Variants in STARD13 observed in about 807,000 individuals in gnomAD.
STARD13 encodes StAR related lipid transfer domain containing 13.
Under a neutral mutation model 106.4 loss-of-function variants are expected in STARD13, and 62 were observed. The ratio of observed to expected loss-of-function variants is 0.58; its 90% CI spans 0.48 to 0.72. STARD13 has a LOEUF of 0.72. Ranked by LOEUF, STARD13 falls within the 30% of genes least tolerant of loss-of-function variation. The pLI is 0.00. For synonymous variants in STARD13, 565 were observed against 553.0 expected, an observed-to-expected ratio of 1.02 and a Z score of -0.31; for missense variants, 1,387 against 1,424.0, an observed-to-expected ratio of 0.97 and a Z score of 0.42.
chr13:33,317,814 T>A (rs1012963831), intron 1 of STARD13, among the ~76,000 whole-genome samples: 1 of 152,204 alleles, frequency 6.6e-6, no homozygotes, highest in Non-Finnish European at 1.5e-5. Flanking sequence ...TTTAGCTTTT[T>A]TAAGCACTCC....
At chr13:33,506,653 G>C in the STARD13 span, among the ~76,000 whole-genome samples, 1 of 152,056 alleles carries the variant, frequency 6.6e-6, no homozygotes, top group East Asian at 1.9e-4. Flanking sequence ...ATCATTCATA[G>C]GTAAAAGATA....
intron 1 of STARD13, among the ~76,000 whole-genome samples, chr13:33,241,831 C>T (rs1055179746): frequency 6.6e-6 from 1 of 152,208 alleles, no homozygotes; most frequent in South Asian, 2.1e-4. Flanking sequence ...CGGAGTCGCG[C>T]TCACTCAGTG....
At chr13:33,303,581 G>T (rs1293121272) in intron 1 of STARD13, among the ~76,000 whole-genome samples, 2 of 152,100 alleles carry the variant, frequency 1.3e-5, no homozygotes, top group African/African-American at 4.8e-5. Context: ...TACTGACCAG[G>T]TTCCTCAAAG....
At chr13:33,327,600 G>A (rs2077790804) in intron 1 of STARD13, among the ~76,000 whole-genome samples, 1 of 152,150 alleles carries the variant, frequency 6.6e-6, no homozygotes, top group Non-Finnish European at 1.5e-5. Context: ...TGAACTCCTG[G>A]CCTCAAGGGA....
At chr13:33,174,308 T>C (rs557561499) in intron 1 of STARD13, among the ~76,000 whole-genome samples, 10 of 152,264 alleles carry the variant, frequency 6.6e-5, no homozygotes, top group East Asian at 1.9e-4. Flanking sequence ...CACACACTTA[T>C]GCATTTTTTT....
chr13:33,163,727 T>TATATAAAACATATATATAACATAC (rs1566038949), intron 3 of STARD13, among the ~76,000 whole-genome samples: 2 of 124,238 alleles, frequency 1.6e-5, no homozygotes, highest in African/African-American at 2.7e-5. Flanking sequence ...ATATAACATA[T>TATATAAAACATATATATAACATAC]ATAAAACATA....
intron 1 of STARD13, among the ~76,000 whole-genome samples, chr13:33,231,682 T>C (rs1250664673): frequency 6.6e-6 from 1 of 152,206 alleles, no homozygotes; most frequent in Non-Finnish European, 1.5e-5. Flanking sequence ...AGAATGGCCT[T>C]GGTCACATGG....
the STARD13 span, among the ~76,000 whole-genome samples, chr13:33,429,533 A>C: frequency 6.6e-6 from 1 of 152,136 alleles, no homozygotes; most frequent in Non-Finnish European, 1.5e-5. Flanking sequence ...CAAAAAAAAA[A>C]AAAGAAAAGA....
In STARD13 at chr13:33,103,818, C is replaced by G. The variant is rs934235559; in HGVS notation, c.*1775G>C. 1 of 152,210 alleles carries G rather than the reference C, an allele frequency of 6.6e-6. No individual in the cohort carries two copies. Among genetic ancestry groups the G allele is most frequent in the African/African-American group, 2.4e-5 (1 of 41,452 alleles). The allele number at this position is 152,210 out of a possible 1,614,324, so 9.4% of individuals were successfully genotyped here. A position where few individuals can be genotyped will look rare whatever the true frequency, so the allele number is the denominator to read the frequency against. On this transcript the variant is annotated 3_prime_UTR_variant, in exon 14 of 14. Coordinates refer to ENST00000336934, the MANE Select transcript of STARD13 (RefSeq NM_178006.4). ...ATCTTGTTGATGCATATAAAGTAAT[C>G]TGGCATATATGGTTAAATTCAAGAT...
At chr13:33,150,986 G>C (rs1881197370) in intron 3 of STARD13, among the ~76,000 whole-genome samples, 2 of 152,162 alleles carry the variant, frequency 1.3e-5, no homozygotes, top group African/African-American at 4.8e-5. Context: ...GAATCTCATG[G>C]TCCCATGTGG....
intron 1 of STARD13, among the ~76,000 whole-genome samples, chr13:33,327,775 C>T (rs1395867564): frequency 6.6e-6 from 1 of 152,142 alleles, no homozygotes; most frequent in East Asian, 1.9e-4. Flanking sequence ...GGTAAAGGTG[C>T]TACATTTATG....
the STARD13 span, among the ~76,000 whole-genome samples, chr13:33,602,538 A>T: frequency 6.6e-6 from 1 of 152,176 alleles, no homozygotes; most frequent in African/African-American, 2.4e-5. Context: ...TATTAACCCA[A>T]TTCAGGTGTC....
the STARD13 span, among the ~76,000 whole-genome samples, chr13:33,454,496 T>C: frequency 2.0e-5 from 3 of 152,208 alleles, no homozygotes; most frequent in African/African-American, 2.4e-5. Flanking sequence ...TTTATCACCA[T>C]AGGCAGTTAC....
chr13:33,133,259 C>T (rs748906354), intron 4 of STARD13, among the ~76,000 whole-genome samples: 6 of 152,182 alleles, frequency 3.9e-5, no homozygotes, highest in Non-Finnish European at 7.3e-5. Context: ...AAGGGAAAGC[C>T]TGGCCCTGTC....
intron 12 of STARD13, among the ~76,000 whole-genome samples, chr13:33,108,506 G>A (rs1428243469): frequency 6.6e-6 from 1 of 152,180 alleles, no homozygotes; most frequent in Admixed American, 6.5e-5. Context: ...ATTCCTCCCA[G>A]GATAAGTAAG....
the STARD13 span, among the ~76,000 whole-genome samples, chr13:33,472,968 A>G: frequency 6.6e-6 from 1 of 152,198 alleles, no homozygotes; most frequent in Non-Finnish European, 1.5e-5. Context: ...AGGGCCTGAC[A>G]TGGCCTCAGG....
the STARD13 span, among the ~76,000 whole-genome samples, chr13:33,555,716 A>C: frequency 9.8e-5 from 15 of 152,328 alleles, no homozygotes; most frequent in African/African-American, 3.6e-4. Flanking sequence ...GTGAACCTAG[A>C]AAAGTCCCTG....
chr13:33,668,451 A>G, the STARD13 span, among the ~76,000 whole-genome samples: 10 of 152,112 alleles, frequency 6.6e-5, no homozygotes, highest in African/African-American at 2.4e-4. Flanking sequence ...TGAGTTGACA[A>G]TTGGTCAAAC....
At chr13:33,268,018 G>T (rs1414614692) in intron 1 of STARD13, among the ~76,000 whole-genome samples, 1 of 152,196 alleles carries the variant, frequency 6.6e-6, no homozygotes, top group Non-Finnish European at 1.5e-5. Flanking sequence ...TTCGTTTTGG[G>T]AAGTTGGACT....
Sources: allele counts gnomAD v4.1 joint callset (sites outside exome capture counted in the v4.1 genomes callset), GRCh38; gene constraint gnomAD v4.1.1; transcripts MANE v1.5; gene names NCBI Gene and HGNC (gene_info 2026-07-23, HGNC 2026-07-21).